The following MYCBP2 variants were observed in gnomAD, a reference collection of about 807,000 sequenced individuals.
MYCBP2 encodes the protein MYC binding protein 2.
In MYCBP2, 120 loss-of-function variants were observed where a neutral mutation model predicts 525.3. The observed-to-expected ratio is 0.23, with a 90% CI of 0.20 to 0.27. MYCBP2 has a LOEUF of 0.27. MYCBP2 is among the 10% of genes least tolerant of loss of function. The probability of loss-of-function intolerance (pLI) is 1.00; values close to 1 mark genes in which losing one functional copy is unlikely to be tolerated. For missense variants in MYCBP2, 4,149 were observed against 5,657.1 expected, an observed-to-expected ratio of 0.73 and a Z score of 8.55; for synonymous variants, 1,894 against 1,955.8, an observed-to-expected ratio of 0.97 and a Z score of 0.83.
intron 4 of MYCBP2, among the ~76,000 whole-genome samples, chr13:77,278,249 T>G (rs1594592393): frequency 6.6e-6 from 1 of 152,354 alleles, no homozygotes; most frequent in East Asian, 1.9e-4. Context: ...ATGTTAGCTA[T>G]TTTGGCCAAA....
chr13:77,242,307 G>A (rs1402261421), intron 17 of MYCBP2, among the ~76,000 whole-genome samples: 1 of 152,008 alleles, frequency 6.6e-6, no homozygotes, highest in East Asian at 1.9e-4. Context: ...GTAGTGATGG[G>A]GTTTCACCAT....
intron 38 of MYCBP2, 114 bp from the exon 39 acceptor site, chr13:77,169,828 A>G: frequency 1.2e-6 from 1 of 847,572 alleles, no homozygotes; most frequent in East Asian, 2.7e-5. Flanking sequence ...TATAGTTGAC[A>G]CCAATTGGGT....
chr13:77,201,860 A>C (rs561875042), intron 26 of MYCBP2, among the ~76,000 whole-genome samples: 1 of 152,342 alleles, frequency 6.6e-6, no homozygotes, highest in Admixed American at 6.5e-5. Context: ...ACAAAGACGC[A>C]ACATACCAGA....
chr13:77,197,223 T>C (rs907035009), intron 26 of MYCBP2, among the ~76,000 whole-genome samples: 5 of 151,910 alleles, frequency 3.3e-5, no homozygotes, highest in African/African-American at 1.2e-4. Flanking sequence ...CAAGTAGGAA[T>C]GGTAAGAGAG....
chr13:77,259,047 G>A (rs2072757882), intron 13 of MYCBP2, among the ~76,000 whole-genome samples: 2 of 152,140 alleles, frequency 1.3e-5, no homozygotes, highest in South Asian at 2.1e-4. Flanking sequence ...TTGAGGTCAG[G>A]AGTTCGAGAC....
At chr13:77,157,327 C>G (rs562784058) in intron 45 of MYCBP2, among the ~76,000 whole-genome samples, 1 of 152,296 alleles carries the variant, frequency 6.6e-6, no homozygotes, top group East Asian at 1.9e-4. Context: ...AGGGTTTGAG[C>G]AATCCTTCCA....
chr13:77,131,393 C>T (rs2052768204), intron 52 of MYCBP2, among the ~76,000 whole-genome samples: 3 of 151,816 alleles, frequency 2.0e-5, no homozygotes, highest in Non-Finnish European at 4.4e-5. Context: ...GTAGTACATG[C>T]CTGTAGTCAC....
At chr13:77,250,276 T>TAAG (rs575844016) in intron 15 of MYCBP2, among the ~76,000 whole-genome samples, 62 of 151,640 alleles carry the variant, frequency 4.1e-4, no homozygotes, top group African/African-American at 1.4e-3. Flanking sequence ...GCCTGTTATA[T>TAAG]ATGACCTATT....
chr13:77,087,432 T>TA (rs1175098724), intron 62 of MYCBP2, 52 bp downstream of exon 62: 13 of 1,421,050 alleles, frequency 9.1e-6, no homozygotes, highest in Non-Finnish European at 1.3e-5. Context: ...TTTGAAGGTA[T>TA]ACTACCAGTT....
At chr13:77,233,375 G>A in intron 17 of MYCBP2, 112 bp from the exon 18 acceptor site, 1 of 843,302 alleles carries the variant, frequency 1.2e-6, no homozygotes, top group Non-Finnish European at 1.8e-6. Flanking sequence ...TAACGGTTTT[G>A]GACATTATAC....
chr13:77,135,086 C>T (rs1426390491), intron 52 of MYCBP2, among the ~76,000 whole-genome samples: 1 of 152,194 alleles, frequency 6.6e-6, no homozygotes, highest in African/African-American at 2.4e-5. Flanking sequence ...AAATAACGTG[C>T]ACACATTGAT....
In MYCBP2 at chr13:77,108,631, GACA is replaced by G. The variant is rs2048239540; in HGVS notation, c.8141-9621_8141-9619del. ...TCCAGAAGTGACATCCTGAGAAAGA[GACA>G]ACGCTTACGCAGCACAAAGACAGCT... On this transcript the variant is annotated intron_variant, in intron 55 of 82. Transcript: ENST00000544440. Among the ~76,000 whole-genome samples, 4 of 152,108 alleles carry G rather than the reference GACA, an allele frequency of 2.6e-5. No individual in the cohort carries two copies. In the South Asian group the frequency reaches 8.3e-4, roughly 32 times the overall value.
At chr13:77,284,379 G>A (rs149190305) in intron 3 of MYCBP2, among the ~76,000 whole-genome samples, 219 of 152,234 alleles carry the variant, frequency 1.4e-3, no homozygotes, top group Non-Finnish European at 2.4e-3. Context: ...CACAGAGAAG[G>A]TCAAAGGGAA....
intron 13 of MYCBP2, among the ~76,000 whole-genome samples, chr13:77,259,697 T>A (rs9600847): frequency 0.092 from 13,988 of 152,242 alleles, 811 homozygotes; most frequent in African/African-American, 0.16. Context: ...CAATTACATA[T>A]ATTTCTAATC....
intron 1 of MYCBP2, among the ~76,000 whole-genome samples, chr13:77,310,274 T>C (rs1373510485): frequency 1.3e-5 from 2 of 152,194 alleles, no homozygotes; most frequent in Non-Finnish European, 2.9e-5. Context: ...ACCTACATTG[T>C]AGTTATTTCC....
At chr13:77,065,730 G>A (rs2040095301) in intron 72 of MYCBP2, among the ~76,000 whole-genome samples, 1 of 152,108 alleles carries the variant, frequency 6.6e-6, no homozygotes, top group Non-Finnish European at 1.5e-5. Context: ...GGGTCTGAAA[G>A]AGCATATTTT....
chr13:77,271,755 T>C (rs1229551663), intron 5 of MYCBP2, among the ~76,000 whole-genome samples: 1 of 152,248 alleles, frequency 6.6e-6, no homozygotes, highest in Non-Finnish European at 1.5e-5. Flanking sequence ...TGTGGAACTA[T>C]AAATCCATTA....
intron 52 of MYCBP2, among the ~76,000 whole-genome samples, chr13:77,127,478 T>G (rs117520191): frequency 0.026 from 3,876 of 151,996 alleles, 83 homozygotes; most frequent in Middle Eastern, 0.058. Context: ...TCATCATTAC[T>G]CCTTTAAAAG....
chr13:77,083,263 T>C (rs9573995), intron 62 of MYCBP2, 71 bp from the exon 63 acceptor site: 41,882 of 1,348,256 alleles, frequency 0.031, 1,449 homozygotes, highest in Admixed American at 0.16. Context: ...AAGACTATTA[T>C]GTATACTTAA....
Sources: allele counts gnomAD v4.1 joint callset (sites outside exome capture counted in the v4.1 genomes callset), GRCh38; gene constraint gnomAD v4.1.1; transcripts MANE v1.5; gene names NCBI Gene and HGNC (gene_info 2026-07-23, HGNC 2026-07-21).